Variants in ZBTB20 observed in about 807,000 individuals in gnomAD.
The protein encoded by ZBTB20 is zinc finger and BTB domain-containing protein 20.
A neutral mutation model predicts 56.9 loss-of-function variants in ZBTB20; 9 were observed. The ratio of observed to expected loss-of-function variants is 0.16; its 90% CI spans 0.10 to 0.28. The LOEUF (loss-of-function observed/expected upper bound fraction) is 0.28. ZBTB20 is among the 10% of genes least tolerant of loss of function. The pLI is 1.00. For missense variants in ZBTB20, 655 were observed against 1,003.0 expected, an observed-to-expected ratio of 0.65 and a Z score of 4.69; for synonymous variants, 417 against 420.7, an observed-to-expected ratio of 0.99 and a Z score of 0.11.
At chr3:114,829,763 A>G (rs2073745460) in intron 4 of ZBTB20, among the ~76,000 whole-genome samples, 1 of 151,908 alleles carries the variant, frequency 6.6e-6, no homozygotes, top group Non-Finnish European at 1.5e-5. Context: ...CCATGCAGTT[A>G]GCATATGGCA....
rs568352418 is a variant in ZBTB20 at position 115,105,021 on chromosome 3, C to CA, written c.-702-33608dup. On this transcript the variant is annotated intron_variant, in intron 1 of 11. Transcript: ENST00000675478. ...ATTTTACTATGAAACTAAAATTACT[C>CA]AAAAAAAAGTCTATTAAACAATAAA... 1.1e-4 allele frequency among the ~76,000 whole-genome samples: 17 copies of CA among 151,616 alleles called. No homozygotes were observed. The South Asian group carries it at 1.3e-3, about 11-fold the overall frequency.
intron 8 of ZBTB20, among the ~76,000 whole-genome samples, chr3:114,384,277 C>G (rs1425001687): frequency 6.6e-6 from 1 of 151,486 alleles, no homozygotes; most frequent in African/African-American, 2.4e-5. Context: ...CCAACAACAA[C>G]AAAGAAAGAA....
chr3:114,441,904 A>T (rs2090957220), intron 7 of ZBTB20, among the ~76,000 whole-genome samples: 1 of 152,168 alleles, frequency 6.6e-6, no homozygotes, highest in South Asian at 2.1e-4. Context: ...CAAAACAAAA[A>T]AAACCACCAA....
At position 114,471,142 on chromosome 3, in the gene ZBTB20, G is replaced by T. The variant is rs2040081452; in HGVS notation, c.-255+29210C>A. Reference sequence around the variant, plus strand: ...CACTCAAGAAAGGTTCTCCAAGGTAGAATCAGGGGAGAATCCCAATTGAAG... The same window carrying T: ...CACTCAAGAAAGGTTCTCCAAGGTATAATCAGGGGAGAATCCCAATTGAAG... On this transcript the variant is annotated intron_variant, in intron 7 of 11. Coordinates refer to ENST00000675478, the MANE Select transcript of ZBTB20 (RefSeq NM_001348800.3). Among the ~76,000 whole-genome samples, 8 of 152,190 alleles carry T rather than the reference G, an allele frequency of 5.3e-5. No individual in the cohort carries two copies. The South Asian group carries it at 1.7e-3, about 31-fold the overall frequency.
At chr3:114,485,364 G>C (rs1204007861) in intron 7 of ZBTB20, among the ~76,000 whole-genome samples, 2 of 152,134 alleles carry the variant, frequency 1.3e-5, no homozygotes, top group African/African-American at 2.4e-5. Context: ...TTAAGGTGCA[G>C]ACATCTCTTG....
intron 7 of ZBTB20, among the ~76,000 whole-genome samples, chr3:114,432,665 C>T (rs553071459): frequency 1.4e-4 from 22 of 152,310 alleles, no homozygotes; most frequent in African/African-American, 5.1e-4. Context: ...CTCTCTGAGC[C>T]TGCTGTGAGA....
intron 1 of ZBTB20, among the ~76,000 whole-genome samples, chr3:115,085,061 A>G (rs1484988936): frequency 6.6e-6 from 1 of 152,014 alleles, no homozygotes. Context: ...CTTTTCCAAA[A>G]AAAGATATTC....
intron 5 of ZBTB20, among the ~76,000 whole-genome samples, chr3:114,721,889 T>C (rs1283876527): frequency 4.6e-5 from 7 of 152,218 alleles, no homozygotes; most frequent in Non-Finnish European, 2.9e-5. Context: ...GACTTCACAT[T>C]GTACATTTGT....
At chr3:115,107,144 A>G (rs956676359) in intron 1 of ZBTB20, among the ~76,000 whole-genome samples, 1 of 152,218 alleles carries the variant, frequency 6.6e-6, no homozygotes, top group Non-Finnish European at 1.5e-5. Context: ...AAGTTGGATA[A>G]GGCTGCATGC....
At chr3:114,809,652 T>G (rs2108871841) in intron 4 of ZBTB20, among the ~76,000 whole-genome samples, 1 of 152,310 alleles carries the variant, frequency 6.6e-6, no homozygotes, top group Admixed American at 6.5e-5. Flanking sequence ...TTTGCTAAGT[T>G]TAACATCTGC....
chr3:115,094,100 G>A lies in ZBTB20; in HGVS notation c.-702-22686C>T, dbSNP rs188585763. Reference sequence around the variant, plus strand: ...ACTTGTTTCTTAATCATCTCTAGTCGTCTCCCTTCTAGAAATGAGGTGAGG... The same window carrying A: ...ACTTGTTTCTTAATCATCTCTAGTCATCTCCCTTCTAGAAATGAGGTGAGG... On this transcript the variant is annotated intron_variant, in intron 1 of 11. Transcript: ENST00000675478. Among the ~76,000 whole-genome samples the A allele has an allele frequency of 3.4e-4, 52 of 151,830 alleles. 1 individual carries two copies. The highest frequency in any genetic ancestry group is 3.0e-3 in the Admixed American group (45 of 15,230).
At chr3:115,077,130 A>G (rs1333245520) in intron 1 of ZBTB20, among the ~76,000 whole-genome samples, 1 of 152,122 alleles carries the variant, frequency 6.6e-6, no homozygotes, top group African/African-American at 2.4e-5. Context: ...ATTCCCTGAT[A>G]TATCTGATAA....
chr3:114,801,893 T>A (rs1303567620), intron 4 of ZBTB20, among the ~76,000 whole-genome samples: 1 of 151,922 alleles, frequency 6.6e-6, no homozygotes, highest in Non-Finnish European at 1.5e-5. Context: ...GCTTATTTTT[T>A]AAATATGTAC....
intron 5 of ZBTB20, among the ~76,000 whole-genome samples, chr3:114,707,469 C>G (rs2063781066): frequency 6.6e-6 from 1 of 152,176 alleles, no homozygotes. Context: ...CACTGGCAAC[C>G]TTTCTGATTT....
At chr3:115,142,783 G>T (rs1219808244) in intron 1 of ZBTB20, among the ~76,000 whole-genome samples, 1 of 152,078 alleles carries the variant, frequency 6.6e-6, no homozygotes. Context: ...ATAGCCAGAG[G>T]CAATCACAAA....
intron 6 of ZBTB20, among the ~76,000 whole-genome samples, chr3:114,616,174 A>C (rs898924763): frequency 6.6e-6 from 1 of 152,160 alleles, no homozygotes; most frequent in South Asian, 2.1e-4. Context: ...ATCGATTTCA[A>C]TTCTACCATA....
At chr3:115,001,850 C>T (rs2108216600) in intron 2 of ZBTB20, among the ~76,000 whole-genome samples, 1 of 151,372 alleles carries the variant, frequency 6.6e-6, no homozygotes, top group African/African-American at 2.4e-5. Flanking sequence ...TCAACATAAT[C>T]CCAATCAAAA....
At chr3:114,938,725 G>T (rs2076631763) in intron 3 of ZBTB20, among the ~76,000 whole-genome samples, 1 of 145,544 alleles carries the variant, frequency 6.9e-6, no homozygotes, top group Non-Finnish European at 1.5e-5. Context: ...TAATGTAGAT[G>T]ACAGGTTGAT....
intron 10 of ZBTB20, among the ~76,000 whole-genome samples, chr3:114,377,384 T>C (rs2083770197): frequency 6.6e-6 from 1 of 152,212 alleles, no homozygotes; most frequent in South Asian, 2.1e-4. Context: ...ACTATATTTC[T>C]TCTTGTTTTG....
Sources: allele counts gnomAD v4.1 joint callset (sites outside exome capture counted in the v4.1 genomes callset), GRCh38; gene constraint gnomAD v4.1.1; transcripts MANE v1.5; gene names NCBI Gene and HGNC (gene_info 2026-07-23, HGNC 2026-07-21).